Variants in EYS observed in about 807,000 individuals in gnomAD.
EYS encodes the protein protein eyes shut homolog.
A neutral mutation model predicts 282.1 loss-of-function variants in EYS; 250 were observed. The observed-to-expected ratio is 0.89, with a 90% CI of 0.80 to 0.98. The LOEUF is 0.98. Ranked by LOEUF, EYS falls within the 50% of genes least tolerant of loss-of-function variation. EYS has a pLI of 0.00. For synonymous variants in EYS, 1,355 were observed against 1,282.9 expected (o/e 1.06, Z -1.20); for missense variants, 4,016 against 3,709.0 (o/e 1.08, Z -2.15).
At chr6:65,278,270 C>T (rs1183542809) in intron 12 of EYS, among the ~76,000 whole-genome samples, 1 of 46,376 alleles carries the variant, frequency 2.2e-5, no homozygotes, top group Admixed American at 3.8e-4. Flanking sequence ...AAATCTCTTT[C>T]CATATATATT....
chr6:63,792,192 AC>A (rs1454589059), intron 37 of EYS, among the ~76,000 whole-genome samples: 1 of 151,702 alleles, frequency 6.6e-6, no homozygotes, highest in Non-Finnish European at 1.5e-5. Flanking sequence ...CTGGGGATGC[AC>A]CAAGAGGAGG....
intron 41 of EYS, among the ~76,000 whole-genome samples, chr6:63,758,984 G>A (rs888210986): frequency 6.6e-6 from 1 of 152,014 alleles, no homozygotes; most frequent in African/African-American, 2.4e-5. Context: ...CCTAGAACGG[G>A]GGGCAGGGTA....
chr6:63,785,404 C>A lies in EYS; in HGVS notation c.7723+2701G>T, dbSNP rs570588238. 1.2e-3 allele frequency among the ~76,000 whole-genome samples: 178 copies of A among 152,254 alleles called. No homozygotes were observed. In the Middle Eastern group the frequency reaches 0.031, roughly 26 times the overall value. On this transcript the variant is annotated intron_variant, in intron 39 of 42. Coordinates refer to ENST00000503581, the MANE Select transcript of EYS (RefSeq NM_001142800.2). ...CTTGTCTTCCTTCCTTCATTCCGTG[C>A]CCAGTCTGAGACCACCATTCATGAG... is the stretch of plus-strand genomic sequence containing the variant.
intron 28 of EYS, among the ~76,000 whole-genome samples, chr6:64,404,565 G>A (rs1773647335): frequency 6.6e-6 from 1 of 152,142 alleles, no homozygotes; most frequent in Admixed American, 6.5e-5. Flanking sequence ...ACTACCACGT[G>A]TCAGGCAAGA....
At chr6:65,284,631 T>TA (rs1238129156) in intron 12 of EYS, among the ~76,000 whole-genome samples, 2 of 151,978 alleles carry the variant, frequency 1.3e-5, no homozygotes, top group Non-Finnish European at 2.9e-5. Flanking sequence ...GGTGTATAAA[T>TA]AAAAAAGGAA....
intron 12 of EYS, among the ~76,000 whole-genome samples, chr6:65,128,950 A>G (rs1404923334): frequency 6.6e-6 from 1 of 152,018 alleles, no homozygotes; most frequent in Non-Finnish European, 1.5e-5. Flanking sequence ...CCAGCATGGA[A>G]CTGGTACAAT....
chr6:64,912,411 C>G, intron 16 of EYS, 73 bp downstream of exon 16: 1 of 1,394,780 alleles, frequency 7.2e-7, no homozygotes, highest in Non-Finnish European at 9.9e-7. Context: ...AGGCCATCAT[C>G]CCATAGGCAC....
chr6:63,873,524 G>A (rs1772874764), intron 35 of EYS, among the ~76,000 whole-genome samples: 1 of 152,176 alleles, frequency 6.6e-6, no homozygotes, highest in African/African-American at 2.4e-5. Context: ...GCCCAGTAAT[G>A]GGATCGTTGG....
chr6:64,151,363 A>ATTTATATATATATATATATAT (rs1491135650), intron 31 of EYS, among the ~76,000 whole-genome samples: 3 of 62,854 alleles, frequency 4.8e-5, no homozygotes, highest in African/African-American at 2.1e-4. Context: ...ATATATATAT[A>ATTTATATATATATATATATAT]ATTTTTTTTT....
At chr6:65,167,265 A>T (rs1036821984) in intron 12 of EYS, among the ~76,000 whole-genome samples, 1 of 151,362 alleles carries the variant, frequency 6.6e-6, no homozygotes, top group African/African-American at 2.4e-5. Flanking sequence ...ATGAATGAAT[A>T]AACAAATGTG....
At chr6:64,380,352 A>T (rs1772703157) in intron 29 of EYS, among the ~76,000 whole-genome samples, 2 of 152,158 alleles carry the variant, frequency 1.3e-5, no homozygotes, top group South Asian at 4.1e-4. Context: ...GTTTCTTTTC[A>T]TTTATAGCTT....
At chr6:63,788,344 G>T in intron 38 of EYS, 95 bp from the exon 39 acceptor site, 1 of 1,038,966 alleles carries the variant, frequency 9.6e-7, no homozygotes, top group Non-Finnish European at 1.4e-6. Context: ...AACTTGGCAT[G>T]AAAAATTTAC....
At position 64,573,259 on chromosome 6, in the gene EYS, A is replaced by G. The variant is rs200619427; in HGVS notation, c.5644+16964T>C. On this transcript the variant is annotated intron_variant, in intron 26 of 42. Coordinates refer to ENST00000503581, the MANE Select transcript of EYS (RefSeq NM_001142800.2). The stretch of plus-strand genomic sequence containing the variant: ...AAACTGGATCCTTTCCTTACACCTT[A>G]TACAAAAATTTACTCCAAATGGATT... 5.9e-5 allele frequency among the ~76,000 whole-genome samples: 9 copies of G among 152,204 alleles called. No homozygotes were observed. In the East Asian group the frequency reaches 1.7e-3, roughly 29 times the overall value.
chr6:65,299,686 CGTTT>C (rs1768763501), intron 11 of EYS, among the ~76,000 whole-genome samples: 1 of 151,986 alleles, frequency 6.6e-6, no homozygotes, highest in Non-Finnish European at 1.5e-5. Context: ...TATTACAGTG[CGTTT>C]CCATTTCTAA....
chr6:64,510,304 T>C (rs182524136), intron 26 of EYS, among the ~76,000 whole-genome samples: 24 of 152,264 alleles, frequency 1.6e-4, no homozygotes, highest in Admixed American at 1.2e-3. Context: ...ATATGAAAGA[T>C]TAAAATTATT....
intron 26 of EYS, among the ~76,000 whole-genome samples, chr6:64,516,431 G>C (rs1777562010): frequency 6.6e-6 from 1 of 151,708 alleles, no homozygotes. Context: ...ATCTGCACCT[G>C]TACCCCTGAA....
intron 31 of EYS, among the ~76,000 whole-genome samples, chr6:64,175,932 TAATG>T (rs1227292400): frequency 6.6e-6 from 1 of 152,088 alleles, no homozygotes; most frequent in Admixed American, 6.6e-5. Flanking sequence ...AAGAAAAACA[TAATG>T]AATAACTTAT....
intron 8 of EYS, among the ~76,000 whole-genome samples, chr6:65,361,964 C>T (rs10455578): frequency 0.67 from 102,458 of 151,996 alleles, 34,630 homozygotes; most frequent in South Asian, 0.71. Flanking sequence ...TTCTAAAACA[C>T]ATACGAGTAA....
chr6:64,728,221 A>G (rs1771826510), intron 22 of EYS, among the ~76,000 whole-genome samples: 1 of 152,192 alleles, frequency 6.6e-6, no homozygotes, highest in African/African-American at 2.4e-5. Flanking sequence ...GAAGCCCCAG[A>G]GGATGTGAGT....
Sources: gnomAD v4.1 joint callset for allele counts (sites outside exome capture counted in the v4.1 genomes callset) on GRCh38, gnomAD v4.1.1 for gene constraint, MANE v1.5 for transcripts, NCBI Gene and HGNC (gene_info 2026-07-23, HGNC 2026-07-21) for gene names.